Variants in TPST1 observed in about 807,000 individuals in gnomAD.
The protein encoded by TPST1 is tyrosylprotein sulfotransferase 1, also known as protein-tyrosine sulfotransferase 1.
A neutral mutation model predicts 34.8 loss-of-function variants in TPST1; 20 were observed. The observed-to-expected ratio is 0.57, with a 90% CI of 0.40 to 0.84. The LOEUF (loss-of-function observed/expected upper bound fraction) is 0.84, where lower values mean the gene tolerates loss of function less well. Ranked by LOEUF, TPST1 falls within the 40% of genes least tolerant of loss-of-function variation. The probability of loss-of-function intolerance (pLI) is 0.00; values close to 1 mark genes in which losing one functional copy is unlikely to be tolerated. For missense variants in TPST1, 353 were observed against 455.5 expected (o/e 0.78, Z 2.05); for synonymous variants, 152 against 159.4 (o/e 0.95, Z 0.35).
chr7:66,246,899 C>A (rs957722012), intron 2 of TPST1, among the ~76,000 whole-genome samples: 7 of 152,130 alleles, frequency 4.6e-5, no homozygotes, highest in African/African-American at 1.7e-4. Flanking sequence ...TTTTCACTGG[C>A]CATAACTGGG....
Position 66,270,349 on chromosome 7 carries a change from C to G in TPST1, c.846-16162C>G, listed in dbSNP as rs73699757. Among the ~76,000 whole-genome samples, 615 of 152,274 alleles carry G rather than the reference C, an allele frequency of 4.0e-3. 3 individuals carry two copies. Among genetic ancestry groups the G allele is most frequent in the African/African-American group, 0.014 (585 of 41,546 alleles). The stretch of plus-strand genomic sequence containing the variant: ...TTTTATAAGGCAAACACTCTTATAA[C>G]TATTACCCATGTTAAGAAATAGAAC... On this transcript the variant is annotated intron_variant, in intron 2 of 5. Transcript: ENST00000304842.
At chr7:66,230,061 A>G (rs1297098038) in intron 1 of TPST1, among the ~76,000 whole-genome samples, 1 of 152,138 alleles carries the variant, frequency 6.6e-6, no homozygotes, top group Non-Finnish European at 1.5e-5. Flanking sequence ...GGTGGCACGC[A>G]CCTGTAGTCC....
chr7:66,347,330 A>G (rs2116363253), intron 3 of TPST1, among the ~76,000 whole-genome samples: 1 of 152,140 alleles, frequency 6.6e-6, no homozygotes, highest in Admixed American at 6.5e-5. Flanking sequence ...GACTTACTAA[A>G]GTGCTGGGAT....
intron 1 of TPST1, among the ~76,000 whole-genome samples, chr7:66,221,434 C>T (rs1789540627): frequency 2.0e-5 from 3 of 152,142 alleles, no homozygotes; most frequent in Middle Eastern, 3.4e-3. Flanking sequence ...GGTTCATTGA[C>T]CAATGGAGGA....
intron 2 of TPST1, among the ~76,000 whole-genome samples, chr7:66,279,457 T>C (rs1004558566): frequency 5.3e-5 from 8 of 152,234 alleles, no homozygotes; most frequent in Admixed American, 2.6e-4. Flanking sequence ...GTAAGGGGGT[T>C]ACTGGGTCTA....
At chr7:66,279,409 A>G (rs188083205) in intron 2 of TPST1, among the ~76,000 whole-genome samples, 1 of 152,242 alleles carries the variant, frequency 6.6e-6, no homozygotes, top group East Asian at 1.9e-4. Flanking sequence ...ATGTGTCTTT[A>G]TAGTAGAACG....
rs1385752274 is a variant in TPST1 at position 66,331,731 on chromosome 7, GTTTC to G, written c.1045-20766_1045-20763del. The stretch of plus-strand genomic sequence containing the variant: ...CTTCTGTCTGCCTTTTATAATTTCT[GTTTC>G]TTTCTTTGTTTCATTTGTTACCTCT... On this transcript the variant is annotated intron_variant, in intron 3 of 5. Transcript: ENST00000304842. Among the ~76,000 whole-genome samples the G allele has an allele frequency of 3.9e-5, 6 of 151,976 alleles. No homozygotes were observed. In the East Asian group the frequency reaches 5.8e-4, roughly 15 times the overall value.
At chr7:66,216,526 G>C (rs949673724) in intron 1 of TPST1, among the ~76,000 whole-genome samples, 2 of 150,760 alleles carry the variant, frequency 1.3e-5, no homozygotes, top group African/African-American at 4.9e-5. Context: ...CTGGAGTGTA[G>C]TGGCGCGATC....
At chr7:66,212,648 C>T (rs111762755) in intron 1 of TPST1, among the ~76,000 whole-genome samples, 2,995 of 151,930 alleles carry the variant, frequency 0.02, 47 homozygotes, top group Non-Finnish European at 0.026. Context: ...TTAGTAGAGA[C>T]GGGGTTTCAC....
At chr7:66,221,164 G>T (rs187040291) in intron 1 of TPST1, among the ~76,000 whole-genome samples, 28 of 151,882 alleles carry the variant, frequency 1.8e-4, no homozygotes, top group Middle Eastern at 3.4e-3. Flanking sequence ...CCTGAGACAA[G>T]TTAGTGATTC....
rs1453011379 is a variant in TPST1 at position 66,358,326 on chromosome 7, TG to T, written c.*29+1456del. 2.4e-4 allele frequency among the ~76,000 whole-genome samples: 37 copies of T among 151,204 alleles called. 1 individual carries two copies. Among genetic ancestry groups the T allele is most frequent in the Admixed American group, 7.3e-4 (11 of 15,126 alleles). ...TTCTCATAGTTTACTTGCTGACCTT[TG>T]TTTTTTTTTTTTATATAATGTTTTT... On this transcript the variant is annotated intron_variant, in intron 5 of 5. Coordinates refer to ENST00000304842, the MANE Select transcript of TPST1 (RefSeq NM_003596.4).
chr7:66,238,408 C>CG (rs1789955560), intron 1 of TPST1, among the ~76,000 whole-genome samples: 2 of 131,922 alleles, frequency 1.5e-5, no homozygotes, highest in Non-Finnish European at 3.2e-5. Flanking sequence ...ACAGCACTGG[C>CG]TTTTTTTTTT....
intron 3 of TPST1, among the ~76,000 whole-genome samples, chr7:66,339,122 G>A (rs1172047603): frequency 2.0e-5 from 3 of 151,038 alleles, no homozygotes; most frequent in African/African-American, 4.9e-5. Context: ...TGGTGGGTGG[G>A]GGGAGAGAAG....
intron 1 of TPST1, among the ~76,000 whole-genome samples, chr7:66,238,990 C>T (rs769459310): frequency 6.6e-6 from 1 of 152,190 alleles, no homozygotes; most frequent in Non-Finnish European, 1.5e-5. Context: ...CAGATCTTAC[C>T]TGTCCTTCTG....
chr7:66,355,485 A>C (rs1295844675), intron 4 of TPST1, among the ~76,000 whole-genome samples: 1 of 151,834 alleles, frequency 6.6e-6, no homozygotes. Flanking sequence ...AAAAAAAAAA[A>C]CAAAAAACAA....
At chr7:66,286,485 A>G (rs1252870141) in intron 2 of TPST1, 26 bp from the exon 3 acceptor site, 4 of 1,464,204 alleles carry the variant, frequency 2.7e-6, no homozygotes, top group Non-Finnish European at 3.6e-6. Flanking sequence ...TTAAATAAAT[A>G]TTTATTCATA....
chr7:66,241,550 A>C (rs1363939116), intron 2 of TPST1, among the ~76,000 whole-genome samples: 1 of 152,138 alleles, frequency 6.6e-6, no homozygotes, highest in Admixed American at 6.5e-5. Flanking sequence ...CCCACCTTAC[A>C]GGCGGTGAAA....
At chr7:66,334,395 G>A (rs1048555711) in intron 3 of TPST1, among the ~76,000 whole-genome samples, 2 of 152,104 alleles carry the variant, frequency 1.3e-5, no homozygotes, top group African/African-American at 4.8e-5. Context: ...CAGCATGTTG[G>A]GAGGCCGAAA....
chr7:66,232,200 AATTTTTTTTT>A (rs1268103728), intron 1 of TPST1, among the ~76,000 whole-genome samples: 1 of 127,678 alleles, frequency 7.8e-6, no homozygotes, highest in Admixed American at 7.8e-5. Flanking sequence ...TATTAAAAAA[AATTTTTTTTT>A]TTTTTTTTTT....
Sources: allele counts gnomAD v4.1 joint callset (sites outside exome capture counted in the v4.1 genomes callset), GRCh38; gene constraint gnomAD v4.1.1; transcripts MANE v1.5; gene names NCBI Gene and HGNC (gene_info 2026-07-23, HGNC 2026-07-21).